Variants in ZNF638 observed in about 807,000 individuals in gnomAD.
ZNF638 encodes CTCL tumor antigen se33-1.
ZNF638 carries 46 observed loss-of-function variants against 195.6 expected under a neutral mutation model. That is an observed-to-expected ratio of 0.24 (90% CI 0.19 to 0.30). ZNF638 has a LOEUF of 0.30. Among genes scored for constraint, ZNF638 ranks in the 10% least tolerant of loss-of-function variants. ZNF638 has a pLI of 1.00. For missense variants in ZNF638, 2,440 were observed against 2,325.3 expected (o/e 1.05, Z -1.01); for synonymous variants, 845 against 772.0 (o/e 1.09, Z -1.57).
intron 6 of ZNF638, among the ~76,000 whole-genome samples, chr2:71,367,975 A>T (rs982101862): frequency 6.6e-6 from 1 of 152,088 alleles, no homozygotes; most frequent in African/African-American, 2.4e-5. Flanking sequence ...ATCATTTCCA[A>T]TTATTAGAAC....
intron 10 of ZNF638, chr2:71,388,499 C>T (rs1309424489): frequency 2.9e-6 from 2 of 701,632 alleles, no homozygotes; most frequent in African/African-American, 3.5e-5. Flanking sequence ...TAAATAAATA[C>T]AAGCAGCTCC....
intron 8 of ZNF638, among the ~76,000 whole-genome samples, chr2:71,372,903 T>C (rs1330216747): frequency 1.3e-5 from 2 of 152,230 alleles, no homozygotes; most frequent in African/African-American, 4.8e-5. Context: ...ATACCACAGA[T>C]GTATTACCAA....
At chr2:71,418,513 C>A (rs1197221096) in intron 20 of ZNF638, 89 bp from the exon 21 acceptor site, 3 of 882,146 alleles carry the variant, frequency 3.4e-6, no homozygotes, top group Non-Finnish European at 3.3e-6. Flanking sequence ...TTTTTTTGAG[C>A]TTAAATTTTT....
At chr2:71,417,334 CTCGCGCACGGT>C (rs2080319183) in intron 20 of ZNF638, among the ~76,000 whole-genome samples, 2 of 150,868 alleles carry the variant, frequency 1.3e-5, no homozygotes, top group Admixed American at 6.6e-5. Context: ...CCTGCTTCGG[CTCGCGCACGGT>C]GCGCGCACAC....
At chr2:71,356,302 GA>G (rs954126841) in intron 3 of ZNF638, among the ~76,000 whole-genome samples, 4 of 152,156 alleles carry the variant, frequency 2.6e-5, no homozygotes, top group African/African-American at 9.7e-5. Flanking sequence ...GGGCACCTGT[GA>G]AGTTTTCCCT....
intron 10 of ZNF638, among the ~76,000 whole-genome samples, chr2:71,391,656 G>A (rs2079781066): frequency 6.6e-6 from 1 of 152,082 alleles, no homozygotes; most frequent in South Asian, 2.1e-4. Context: ...GACCTCAAAA[G>A]GTTAAATTAA....
chr2:71,373,718 A>C (rs970058157), intron 8 of ZNF638, among the ~76,000 whole-genome samples: 1 of 151,270 alleles, frequency 6.6e-6, no homozygotes, highest in Non-Finnish European at 1.5e-5. Context: ...TCGCCCGGCC[A>C]AGTTTGATGT....
At position 71,400,088 on chromosome 2, in the gene ZNF638, A is replaced by G. The variant is rs770585387; in HGVS notation, c.2588-24A>G. 3.8e-6 allele frequency: 6 copies of G among 1,579,632 alleles called. No individual in the cohort carries two copies. The South Asian group carries it at 4.7e-5, about 12-fold the overall frequency. The stretch of plus-strand genomic sequence containing the variant: ...AATTATATTAGTGTTTTACTAGACT[A>G]TTAAAGCAGACTATTTCATGCAGAA... On this transcript the variant is annotated intron_variant, in intron 13 of 27. Transcript: ENST00000264447.
At chr2:71,365,271 ACTT>A (rs1284607194) in intron 5 of ZNF638, among the ~76,000 whole-genome samples, 155 bp from the exon 6 acceptor site, 2 of 151,866 alleles carry the variant, frequency 1.3e-5, no homozygotes, top group Non-Finnish European at 2.9e-5. Context: ...GAATAAAGGA[ACTT>A]CATGTAAAAG....
In ZNF638 at chr2:71,368,471, A is replaced by G; in HGVS notation, c.2085A>G (p.Lys695=). The change falls in exon 7 of 28, where the codon AAA becomes AAG. Residue 695 remains lysine, a synonymous_variant. Coordinates refer to ENST00000264447, the MANE Select transcript of ZNF638 (RefSeq NM_014497.5). ...GTTGTACTGAAGAAGATGTGAGAAA[A>G]TTATTTCAACCATTTGGGAAAGTGA... ...EDGCTEEDVR[K]LFQPFGKVND... 6.2e-7 allele frequency: 1 copy of G among 1,613,626 alleles called. No individual in the cohort carries two copies. The highest frequency in any genetic ancestry group is 8.5e-7 in the Non-Finnish European group (1 of 1,179,792).
intron 1 of ZNF638, among the ~76,000 whole-genome samples, chr2:71,335,338 A>G (rs1023889493): frequency 2.6e-5 from 4 of 152,180 alleles, no homozygotes; most frequent in African/African-American, 9.7e-5. Context: ...TATTGCGCCC[A>G]GCCTGTTTTC....
intron 8 of ZNF638, among the ~76,000 whole-genome samples, chr2:71,378,595 AAG>A (rs1375742629): frequency 6.6e-6 from 1 of 152,212 alleles, no homozygotes; most frequent in Non-Finnish European, 1.5e-5. Flanking sequence ...TAGAGAGAGA[AAG>A]ACCACAAATA....
At chr2:71,395,585 G>A (rs2079876328) in intron 10 of ZNF638, 1 of 594,588 alleles carries the variant, frequency 1.7e-6, no homozygotes, top group African/African-American at 1.8e-5. Flanking sequence ...TTGCGCGCAG[G>A]ACTGCTCCCA....
At chr2:71,405,094 G>GT (rs144854119) in intron 17 of ZNF638, among the ~76,000 whole-genome samples, 3,252 of 152,258 alleles carry the variant, frequency 0.021, 125 homozygotes, top group African/African-American at 0.073. Flanking sequence ...TAAAGTCCAA[G>GT]TTCCTTTGCC....
chr2:71,343,070 C>T (rs1173573021), intron 1 of ZNF638, among the ~76,000 whole-genome samples: 1 of 152,140 alleles, frequency 6.6e-6, no homozygotes, highest in Non-Finnish European at 1.5e-5. Flanking sequence ...GTACTAGTTT[C>T]CTCAAAACTG....
intron 10 of ZNF638, chr2:71,388,830 G>C: frequency 1.4e-6 from 1 of 716,300 alleles, no homozygotes; most frequent in East Asian, 2.7e-5. Context: ...GTATATAAAA[G>C]TATTGAAACA....
In ZNF638 at chr2:71,424,591, G is replaced by A. The variant is rs904164029; in HGVS notation, c.4525-59G>A. 4 of 1,369,024 alleles carry A rather than the reference G, an allele frequency of 2.9e-6. No individual in the cohort carries two copies. The African/African-American group carries it at 4.4e-5, about 15-fold the overall frequency. The allele number at this position is 1,369,024 out of a possible 1,614,324, so 84.8% of individuals were successfully genotyped here. A position where few individuals can be genotyped will look rare whatever the true frequency, so the allele number is the denominator to read the frequency against. ...TTTTTGTTTTTTGTTTTTTTTTCCAGAACATTAATAATATGGTTGTAAATT... is the reference window on the plus strand; with the variant it reads ...TTTTTGTTTTTTGTTTTTTTTTCCAAAACATTAATAATATGGTTGTAAATT... On this transcript the variant is annotated intron_variant, in intron 22 of 27. Transcript: ENST00000264447.
In ZNF638 at chr2:71,424,790, C is replaced by T. The variant is rs963337116; in HGVS notation, c.4590+75C>T. ...CAGTTCATCTATCTTATAACTTGTGCCTGCCTTAACAATGTTAGTGACTAA... is the reference window on the plus strand; with the variant it reads ...CAGTTCATCTATCTTATAACTTGTGTCTGCCTTAACAATGTTAGTGACTAA... On this transcript the variant is annotated intron_variant, in intron 23 of 27. Coordinates refer to ENST00000264447, the MANE Select transcript of ZNF638 (RefSeq NM_014497.5). 29 of 1,226,888 alleles carry T rather than the reference C, an allele frequency of 2.4e-5. No homozygotes were observed. The African/African-American group carries it at 4.1e-4, about 17-fold the overall frequency. The allele number at this position is 1,226,888 out of a possible 1,614,324, so 76.0% of individuals were successfully genotyped here. A position where few individuals can be genotyped will look rare whatever the true frequency, so the allele number is the denominator to read the frequency against.
chr2:71,429,955 C>T (rs767528323), intron 25 of ZNF638, among the ~76,000 whole-genome samples: 1 of 152,128 alleles, frequency 6.6e-6, no homozygotes, highest in Non-Finnish European at 1.5e-5. Flanking sequence ...TAATTAGGTT[C>T]TCGCATGATT....
Sources: allele counts gnomAD v4.1 joint callset (sites outside exome capture counted in the v4.1 genomes callset), GRCh38; gene constraint gnomAD v4.1.1; transcripts MANE v1.5; gene names NCBI Gene and HGNC (gene_info 2026-07-23, HGNC 2026-07-21).